Variants in PREX1 observed in about 807,000 individuals in gnomAD.
PREX1 encodes the protein phosphatidylinositol-3,4,5-trisphosphate dependent Rac exchange factor 1.
A neutral mutation model predicts 198.3 loss-of-function variants in PREX1; 41 were observed. The observed-to-expected ratio is 0.21, with a 90% CI of 0.16 to 0.27. PREX1 has a LOEUF of 0.27. Among genes scored for constraint, PREX1 ranks in the 10% least tolerant of loss-of-function variants. The pLI, the probability that PREX1 is intolerant of heterozygous loss-of-function variation, is 1.00. For synonymous variants in PREX1, 843 were observed against 887.2 expected (o/e 0.95, Z 0.89); for missense variants, 1,620 against 2,200.7 (o/e 0.74, Z 5.28).
intron 35 of PREX1, among the ~76,000 whole-genome samples, 154 bp downstream of exon 35, chr20:48,632,123 C>T (rs936460168): frequency 1.2e-4 from 19 of 152,248 alleles, no homozygotes; most frequent in African/African-American, 4.3e-4. Context: ...GAGAATCTCA[C>T]GCAGGCAAGA....
intron 6 of PREX1, among the ~76,000 whole-genome samples, chr20:48,706,151 C>T (rs1022875753): frequency 6.6e-6 from 1 of 152,200 alleles, no homozygotes; most frequent in African/African-American, 2.4e-5. Flanking sequence ...TGTTTAGGGT[C>T]ATAAAGGGTT....
At chr20:48,826,163 T>G (rs1456168924) in intron 1 of PREX1, among the ~76,000 whole-genome samples, 1 of 151,598 alleles carries the variant, frequency 6.6e-6, no homozygotes, top group Non-Finnish European at 1.5e-5. Context: ...GACTAGGAGC[T>G]ACAAAGCCTG....
At chr20:48,886,771 GTA>G in the PREX1 span, among the ~76,000 whole-genome samples, 1 of 152,196 alleles carries the variant, frequency 6.6e-6, no homozygotes, top group African/African-American at 2.4e-5. Context: ...GTAGGGACTA[GTA>G]TTATCACCAT....
chr20:48,665,889 T>C (rs2089636587), intron 15 of PREX1, among the ~76,000 whole-genome samples: 1 of 152,138 alleles, frequency 6.6e-6, no homozygotes, highest in Non-Finnish European at 1.5e-5. Context: ...AAGGGCTTCC[T>C]GCCTCTCACA....
At chr20:48,887,753 T>C in the PREX1 span, among the ~76,000 whole-genome samples, 1 of 152,204 alleles carries the variant, frequency 6.6e-6, no homozygotes, top group Non-Finnish European at 1.5e-5. Flanking sequence ...GAGACCATCC[T>C]GGCTAACACA....
At chr20:48,861,511 T>C in the PREX1 span, among the ~76,000 whole-genome samples, 1 of 152,164 alleles carries the variant, frequency 6.6e-6, no homozygotes, top group African/African-American at 2.4e-5. Flanking sequence ...CTAGTGCTCC[T>C]CAGTTCCACC....
the PREX1 span, among the ~76,000 whole-genome samples, chr20:48,867,789 T>C: frequency 6.6e-6 from 1 of 152,050 alleles, no homozygotes; most frequent in African/African-American, 2.4e-5. Flanking sequence ...AGTGAGACTC[T>C]GTCTCAAACA....
At chr20:48,662,002 T>A (rs1281723121) in intron 15 of PREX1, among the ~76,000 whole-genome samples, 1 of 151,964 alleles carries the variant, frequency 6.6e-6, no homozygotes, top group South Asian at 2.1e-4. Context: ...CCACAAGACA[T>A]CCCCCTCGTC....
intron 14 of PREX1, among the ~76,000 whole-genome samples, chr20:48,670,039 A>C (rs1259702743): frequency 6.6e-6 from 1 of 152,206 alleles, no homozygotes; most frequent in East Asian, 1.9e-4. Context: ...AATCACTCTT[A>C]TTAACCCCAC....
intron 5 of PREX1, among the ~76,000 whole-genome samples, chr20:48,722,277 CAA>C (rs1246713116): frequency 6.6e-6 from 1 of 152,142 alleles, no homozygotes. Context: ...GATTCAGCCA[CAA>C]AAAGGAAGGA....
the PREX1 span, among the ~76,000 whole-genome samples, chr20:48,852,707 T>C: frequency 2.6e-5 from 4 of 152,218 alleles, no homozygotes; most frequent in African/African-American, 9.7e-5. Flanking sequence ...GTGATGTATG[T>C]ACAAGATGAT....
intron 9 of PREX1, among the ~76,000 whole-genome samples, chr20:48,689,477 G>C (rs189190350): frequency 6.6e-6 from 1 of 152,284 alleles, no homozygotes; most frequent in Admixed American, 6.5e-5. Context: ...TTAGACCCAG[G>C]AAGTTGGTTC....
chr20:48,884,627 CA>C, the PREX1 span, among the ~76,000 whole-genome samples: 1 of 152,062 alleles, frequency 6.6e-6, no homozygotes, highest in South Asian at 2.1e-4. Context: ...CATATGATGT[CA>C]AAAAATATAA....
intron 1 of PREX1, among the ~76,000 whole-genome samples, chr20:48,815,774 G>A (rs542736279): frequency 2.6e-5 from 4 of 152,206 alleles, no homozygotes; most frequent in African/African-American, 7.2e-5. Flanking sequence ...GGAGTCAGCC[G>A]AGTGGGCAAA....
intron 20 of PREX1, among the ~76,000 whole-genome samples, chr20:48,653,052 G>C (rs2089512722): frequency 6.6e-6 from 1 of 152,192 alleles, no homozygotes; most frequent in South Asian, 2.1e-4. Context: ...ACCAAATGGA[G>C]TATCCACTTT....
At chr20:48,654,221 C>T (rs889690215) in intron 19 of PREX1, among the ~76,000 whole-genome samples, 1 of 152,234 alleles carries the variant, frequency 6.6e-6, no homozygotes, top group African/African-American at 2.4e-5. Context: ...CTGAGGGTCG[C>T]GGGGAGATCC....
intron 30 of PREX1, among the ~76,000 whole-genome samples, chr20:48,639,088 A>T (rs936479770): frequency 1.2e-4 from 18 of 152,346 alleles, no homozygotes; most frequent in African/African-American, 2.6e-4. Flanking sequence ...TCTCAGACGC[A>T]AATGCCGGCA....
chr20:48,811,196 T>C (rs959892288), intron 1 of PREX1, among the ~76,000 whole-genome samples: 1 of 152,134 alleles, frequency 6.6e-6, no homozygotes, highest in African/African-American at 2.4e-5. Flanking sequence ...TTTATTATTA[T>C]TAAACATGGG....
At position 48,632,324 on chromosome 20, in the gene PREX1, G is replaced by A. The variant is rs2089321084; in HGVS notation, c.4479C>T (p.Ile1493=). The change falls in exon 35 of 40, where the codon ATC becomes ATT. Residue 1493 remains isoleucine (I), a synonymous_variant. Transcript: ENST00000371941. The stretch of plus-strand genomic sequence containing the variant: ...GAACTTTCTCCAGGGACTGCGCGTT[G>A]ATGTCCTGCTGCAAATCCTCCGCGG... ...SQAAEDLQQD[I]NAQSLEKVQQ... The A allele has an allele frequency of 2.5e-6, 4 of 1,614,000 alleles. No individual in the cohort carries two copies. Among genetic ancestry groups the A allele is most frequent in the Non-Finnish European group, 1.7e-6 (2 of 1,180,044 alleles).
Sources: gnomAD v4.1 joint callset for allele counts (sites outside exome capture counted in the v4.1 genomes callset) on GRCh38, gnomAD v4.1.1 for gene constraint, MANE v1.5 for transcripts, NCBI Gene and HGNC (gene_info 2026-07-23, HGNC 2026-07-21) for gene names.